The following UTS2B variants were observed in gnomAD, a reference collection of about 807,000 sequenced individuals.
UTS2B encodes the protein urotensin-2B.
UTS2B carries 21 observed loss-of-function variants against 19.2 expected under a neutral mutation model. That is an observed-to-expected ratio of 1.09 (90% CI 0.78 to 1.58). UTS2B has a LOEUF of 1.58. Ranked by LOEUF, UTS2B falls within the 40% of genes most tolerant of loss-of-function variation. The pLI, the probability that UTS2B is intolerant of heterozygous loss-of-function variation, is 0.00. For synonymous variants in UTS2B, 57 were observed against 50.2 expected, an observed-to-expected ratio of 1.14 and a Z score of -0.58; for missense variants, 138 against 130.3, an observed-to-expected ratio of 1.06 and a Z score of -0.29.
intron 3 of UTS2B, among the ~76,000 whole-genome samples, chr3:191,305,970 T>C (rs1033619774): frequency 6.6e-6 from 1 of 152,130 alleles, no homozygotes; most frequent in Non-Finnish European, 1.5e-5. Context: ...AAAGATCAGA[T>C]AGTTGTAGGT....
chr3:191,340,663 G>A, the UTS2B span, among the ~76,000 whole-genome samples: 2 of 152,096 alleles, frequency 1.3e-5, no homozygotes, highest in Non-Finnish European at 2.9e-5. Context: ...GTTTGGAGTG[G>A]CGGAGCTTAT....
At chr3:191,276,598 G>C (rs113303220) in intron 7 of UTS2B, among the ~76,000 whole-genome samples, 24,394 of 152,186 alleles carry the variant, frequency 0.16, 2,566 homozygotes, top group Non-Finnish European at 0.22. Flanking sequence ...ACATTATAAA[G>C]AATGATCACT....
chr3:191,315,158 G>A (rs1303992730), intron 3 of UTS2B, among the ~76,000 whole-genome samples: 5 of 152,038 alleles, frequency 3.3e-5, no homozygotes, highest in African/African-American at 9.6e-5. Context: ...GATTATAGGC[G>A]CCTGCCACCA....
chr3:191,301,652 A>G (rs1717005172), intron 4 of UTS2B, among the ~76,000 whole-genome samples: 1 of 151,692 alleles, frequency 6.6e-6, no homozygotes, highest in Admixed American at 6.6e-5. Context: ...ATGCCCGGCT[A>G]ATTTTTTTTT....
the UTS2B span, among the ~76,000 whole-genome samples, chr3:191,344,861 G>A: frequency 1.3e-5 from 2 of 152,200 alleles, no homozygotes; most frequent in African/African-American, 4.8e-5. Flanking sequence ...TTACAGGCGT[G>A]AGCCACCATG....
At chr3:191,341,781 C>G in the UTS2B span, among the ~76,000 whole-genome samples, 3 of 152,206 alleles carry the variant, frequency 2.0e-5, no homozygotes, top group Non-Finnish European at 4.4e-5. Context: ...TTGACAGAAT[C>G]ACTTCTTAAA....
At chr3:191,311,161 A>T (rs1560144605) in intron 3 of UTS2B, among the ~76,000 whole-genome samples, 1 of 152,272 alleles carries the variant, frequency 6.6e-6, no homozygotes, top group African/African-American at 2.4e-5. Context: ...CTTCCTCACC[A>T]GGTGGCTCAG....
chr3:191,344,121 C>T, the UTS2B span, among the ~76,000 whole-genome samples: 1 of 152,170 alleles, frequency 6.6e-6, no homozygotes, highest in Non-Finnish European at 1.5e-5. Context: ...AATGGCAAAG[C>T]GAATTATGCA....
At chr3:191,295,244 C>T (rs537451577) in intron 4 of UTS2B, among the ~76,000 whole-genome samples, 3 of 152,048 alleles carry the variant, frequency 2.0e-5, no homozygotes, top group Non-Finnish European at 4.4e-5. Context: ...TTTCATCTTT[C>T]CCTTCACTGA....
rs575870958 is a variant in UTS2B, at chr3:191,305,682, T to C, written c.-181-1134A>G. The stretch of plus-strand genomic sequence containing the variant: ...TCTTAGTTTAATTAGATCCCATTTG[T>C]CAATTTTTTCTTTTGTTGCAGTTGC... On this transcript the variant is annotated intron_variant, in intron 3 of 8. Transcript: ENST00000340524. Among the ~76,000 whole-genome samples the C allele has an allele frequency of 8.5e-5, 13 of 152,332 alleles. No homozygotes were observed. The South Asian group carries it at 2.7e-3, about 32-fold the overall frequency.
At chr3:191,335,602 A>G in the UTS2B span, among the ~76,000 whole-genome samples, 401 of 152,274 alleles carry the variant, frequency 2.6e-3, 2 homozygotes, top group African/African-American at 9.3e-3. Flanking sequence ...TCCTTCTGTC[A>G]TCATTTCGTT....
the UTS2B span, among the ~76,000 whole-genome samples, chr3:191,343,203 C>G: frequency 2.0e-5 from 3 of 152,028 alleles, no homozygotes; most frequent in Non-Finnish European, 4.4e-5. Context: ...TCACGTATAC[C>G]CAGGGATGAC....
At chr3:191,285,140 C>G (rs566598754) in intron 4 of UTS2B, among the ~76,000 whole-genome samples, 2 of 151,986 alleles carry the variant, frequency 1.3e-5, no homozygotes, top group Non-Finnish European at 2.9e-5. Flanking sequence ...TTATAAGCTA[C>G]AATAATTTGC....
chr3:191,335,429 A>T (rs1711503412), upstream of UTS2B, among the ~76,000 whole-genome samples: 1 of 152,208 alleles, frequency 6.6e-6, no homozygotes, highest in Non-Finnish European at 1.5e-5. Context: ...TAGATCTTAG[A>T]TAAGACCTAC....
At chr3:191,294,150 G>A (rs558994617) in intron 4 of UTS2B, among the ~76,000 whole-genome samples, 6 of 141,096 alleles carry the variant, frequency 4.3e-5, no homozygotes, top group African/African-American at 1.3e-4. Flanking sequence ...CAAACAAAGT[G>A]AGTAGGGGAT....
At chr3:191,305,440 A>G (rs567373125) in intron 3 of UTS2B, among the ~76,000 whole-genome samples, 3 of 152,282 alleles carry the variant, frequency 2.0e-5, no homozygotes, top group South Asian at 4.2e-4. Context: ...TTCTTTGCAT[A>G]TAATTCTTGG....
chr3:191,329,457 G>A (rs1717864672), intron 1 of UTS2B: 2 of 466,728 alleles, frequency 4.3e-6, no homozygotes, highest in Non-Finnish European at 3.8e-6. Context: ...TGGCCGCGGC[G>A]GGGCAGCTGG....
intron 4 of UTS2B, among the ~76,000 whole-genome samples, chr3:191,298,655 G>A (rs1246103411): frequency 4.6e-5 from 7 of 152,122 alleles, no homozygotes; most frequent in Admixed American, 3.9e-4. Context: ...CAGAAAATTG[G>A]TACCAAGGAG....
intron 1 of UTS2B, among the ~76,000 whole-genome samples, chr3:191,329,950 G>C (rs1032030282): frequency 7.0e-5 from 10 of 143,032 alleles, no homozygotes; most frequent in South Asian, 2.6e-4. Flanking sequence ...GTTGGGGGGG[G>C]GGGGGGCTAG....
Sources: allele counts gnomAD v4.1 joint callset (sites outside exome capture counted in the v4.1 genomes callset), GRCh38; gene constraint gnomAD v4.1.1; transcripts MANE v1.5; gene names NCBI Gene and HGNC (gene_info 2026-07-23, HGNC 2026-07-21).